Variants in CP observed in about 807,000 individuals in gnomAD.
CP encodes the protein caeruloplasmin.
Under a neutral mutation model 122.4 loss-of-function variants are expected in CP, and 64 were observed. That is an observed-to-expected ratio of 0.52 (90% confidence interval 0.43 to 0.64). The LOEUF (loss-of-function observed/expected upper bound fraction) is 0.64. Among genes scored for constraint, CP ranks in the 30% least tolerant of loss-of-function variants. CP has a pLI of 0.00. For missense variants in CP, 1,167 were observed against 1,284.4 expected (o/e 0.91, Z 1.40); for synonymous variants, 440 against 436.4 (o/e 1.01, Z -0.10).
intron 7 of CP, among the ~76,000 whole-genome samples, chr3:149,200,618 G>A (rs976658675): frequency 1.3e-5 from 2 of 151,222 alleles, no homozygotes; most frequent in Non-Finnish European, 2.9e-5. Flanking sequence ...TTCTTCTGTC[G>A]CAGCCTCCCA....
In CP at chr3:149,220,592, A is replaced by G. The variant is rs1335627140; in HGVS notation, c.146+1055T>C. 2.0e-5 allele frequency among the ~76,000 whole-genome samples: 3 copies of G among 152,246 alleles called. No homozygotes were observed. The East Asian group carries it at 5.8e-4, about 29-fold the overall frequency. Reference sequence around the variant, plus strand: ...ATATTATTAAATTCATAATATAATAATTGGATATTAGTATCTGTTATGTAT... The same window carrying G: ...ATATTATTAAATTCATAATATAATAGTTGGATATTAGTATCTGTTATGTAT... On this transcript the variant is annotated intron_variant, in intron 1 of 18. Transcript: ENST00000264613.
At chr3:149,205,295 G>A (rs80227467) in intron 6 of CP, among the ~76,000 whole-genome samples, 2,148 of 150,382 alleles carry the variant, frequency 0.014, 52 homozygotes, top group African/African-American at 0.048. Context: ...TTGCTATGGA[G>A]AACAGTAATG....
chr3:149,208,799 G>A (rs1289094069), intron 4 of CP, among the ~76,000 whole-genome samples: 3 of 152,118 alleles, frequency 2.0e-5, no homozygotes, highest in Non-Finnish European at 4.4e-5. Context: ...TATGTAAAAC[G>A]AATACCTTTC....
At chr3:149,187,743 C>G (rs35103260) in intron 10 of CP, among the ~76,000 whole-genome samples, 1 of 152,168 alleles carries the variant, frequency 6.6e-6, no homozygotes. Context: ...TCCAAAGTTT[C>G]GGACTTTGTA....
intron 12 of CP, among the ~76,000 whole-genome samples, chr3:149,184,020 A>C (rs1387903970): frequency 3.9e-4 from 34 of 86,574 alleles, no homozygotes; most frequent in Non-Finnish European, 6.4e-4. Flanking sequence ...TTCCCTTTTC[A>C]CTTACTTCTT....
rs761788088 is a variant in CP at position 149,221,642 on chromosome 3, CTTACGTGT to C, written c.143_146+4del. 1.9e-6 allele frequency: 3 copies of C among 1,611,582 alleles called. No individual in the cohort carries two copies. The African/African-American group carries it at 4.0e-5, about 22-fold the overall frequency. ...GGTCTATAAACAATAAAAATAGTGA[CTTACGTGT>C]CAACAGAAATAAGTTTCTTTTCCCC... On this transcript the variant is annotated splice_donor_variant and splice_donor_region_variant and coding_sequence_variant and intron_variant, in exon 1 of 19. Coordinates refer to ENST00000264613, the MANE Select transcript of CP (RefSeq NM_000096.4). LOFTEE classifies it high-confidence loss of function.
intron 1 of CP, among the ~76,000 whole-genome samples, chr3:149,217,363 A>T (rs1236587842): frequency 2.0e-5 from 3 of 152,194 alleles, no homozygotes; most frequent in Admixed American, 6.5e-5. Flanking sequence ...CTAGGCTGAG[A>T]CAACATCAGC....
chr3:149,188,490 CAAAAAAAAAAAAAAA>C (rs60815739), intron 9 of CP, among the ~76,000 whole-genome samples: 5 of 46,088 alleles, frequency 1.1e-4, no homozygotes, highest in Non-Finnish European at 1.3e-4. Context: ...TTGAAGCCTC[CAAAAAAAAAAAAAAA>C]AAAAAAAAAA....
chr3:149,219,939 C>G (rs1012761284), intron 1 of CP, among the ~76,000 whole-genome samples: 2 of 152,000 alleles, frequency 1.3e-5, no homozygotes, highest in Non-Finnish European at 2.9e-5. Context: ...GTGAGGCCTC[C>G]CCAGTCATGT....
chr3:149,220,198 A>AT (rs999517976), intron 1 of CP, among the ~76,000 whole-genome samples: 127 of 151,810 alleles, frequency 8.4e-4, no homozygotes, highest in African/African-American at 2.8e-3. Flanking sequence ...AGAATTAAAG[A>AT]TTTTTTTTTG....
chr3:149,191,744 G>T (rs1035438453), intron 9 of CP, among the ~76,000 whole-genome samples: 2 of 151,958 alleles, frequency 1.3e-5, no homozygotes, highest in Non-Finnish European at 2.9e-5. Flanking sequence ...TATTTAAGAT[G>T]TCCAGCTCCA....
At chr3:149,192,139 CAT>C (rs1056577727) in intron 9 of CP, among the ~76,000 whole-genome samples, 4 of 151,954 alleles carry the variant, frequency 2.6e-5, no homozygotes, top group African/African-American at 9.7e-5. Context: ...CATGTTCTGA[CAT>C]GTATTTAAAA....
At chr3:149,204,806 G>A (rs891155255) in intron 6 of CP, among the ~76,000 whole-genome samples, 9 of 152,216 alleles carry the variant, frequency 5.9e-5, no homozygotes, top group East Asian at 5.8e-4. Context: ...GTAAAAAATC[G>A]ATAGTAGAAA....
chr3:149,220,133 C>T (rs1728710457), intron 1 of CP, among the ~76,000 whole-genome samples: 1 of 152,130 alleles, frequency 6.6e-6, no homozygotes, highest in South Asian at 2.1e-4. Flanking sequence ...ATTTCCTCCG[C>T]CCCCATTCAC....
Position 149,172,716 on chromosome 3 carries a change from G to C in CP, c.*998C>G, listed in dbSNP as rs896001085. ...ATGTTAATGTTTTGCCATGGTAAAAGATTTCAAACCTCATTTTTTTTGTTC... is the reference window on the plus strand; with the variant it reads ...ATGTTAATGTTTTGCCATGGTAAAACATTTCAAACCTCATTTTTTTTGTTC... On this transcript the variant is annotated 3_prime_UTR_variant, in exon 19 of 19. Coordinates refer to ENST00000264613, the MANE Select transcript of CP (RefSeq NM_000096.4). 6.5e-6 allele frequency: 1 copy of C among 153,052 alleles called. No individual in the cohort carries two copies. Among genetic ancestry groups the C allele is most frequent in the African/African-American group, 2.4e-5 (1 of 41,448 alleles). The allele number at this position is 153,052 out of a possible 1,614,324, so 9.5% of individuals were successfully genotyped here. A position where few individuals can be genotyped will look rare whatever the true frequency, so the allele number is the denominator to read the frequency against.
chr3:149,184,283 C>A (rs1370783717), intron 12 of CP, among the ~76,000 whole-genome samples: 1 of 152,022 alleles, frequency 6.6e-6, no homozygotes, highest in African/African-American at 2.4e-5. Flanking sequence ...GATCCGCCCG[C>A]CTCGGCCTCC....
chr3:149,184,028 CTTTTTT>C (rs869206210), intron 12 of CP, among the ~76,000 whole-genome samples: 15 of 63,562 alleles, frequency 2.4e-4, no homozygotes, highest in South Asian at 6.5e-4. Flanking sequence ...TCACTTACTT[CTTTTTT>C]TTTTTTTTTT....
At chr3:149,199,596 A>G in intron 8 of CP, 116 bp downstream of exon 8, 1 of 1,206,420 alleles carries the variant, frequency 8.3e-7, no homozygotes, top group Non-Finnish European at 1.2e-6. Context: ...CCTAGAAATG[A>G]TATATGAGCG....
chr3:149,204,890 C>T (rs1727598420), intron 6 of CP, among the ~76,000 whole-genome samples: 1 of 152,042 alleles, frequency 6.6e-6, no homozygotes, highest in Admixed American at 6.6e-5. Flanking sequence ...AGCTTGTGTA[C>T]ATCAAAGGAC....
Sources: allele counts gnomAD v4.1 joint callset (sites outside exome capture counted in the v4.1 genomes callset), GRCh38; gene constraint gnomAD v4.1.1; transcripts MANE v1.5; gene names NCBI Gene and HGNC (gene_info 2026-07-23, HGNC 2026-07-21).